PDE4D: variants seen among roughly 807,000 people sequenced by gnomAD.
PDE4D encodes 3',5'-cyclic-AMP phosphodiesterase 4D.
In PDE4D, 24 loss-of-function variants were observed where a neutral mutation model predicts 87.4. That is an observed-to-expected ratio of 0.27 (90% CI 0.20 to 0.39). The LOEUF is 0.39. Ranked by LOEUF, PDE4D falls within the 10% of genes least tolerant of loss-of-function variation. PDE4D has a pLI of 1.00. For missense variants in PDE4D, 714 were observed against 1,041.0 expected, an observed-to-expected ratio of 0.69 and a Z score of 4.32; for synonymous variants, 384 against 383.2, an observed-to-expected ratio of 1.00 and a Z score of -0.02.
At chr5:59,395,111 A>G (rs1789113892) in intron 1 of PDE4D, among the ~76,000 whole-genome samples, 1 of 151,914 alleles carries the variant, frequency 6.6e-6, no homozygotes, top group South Asian at 2.1e-4. Flanking sequence ...TTGCTAGCAC[A>G]GCAGTCTGAG....
intron 1 of PDE4D, among the ~76,000 whole-genome samples, chr5:60,274,509 T>C (rs201022445): frequency 3.3e-5 from 5 of 152,086 alleles, no homozygotes; most frequent in Non-Finnish European, 7.4e-5. Flanking sequence ...TACCGGCATG[T>C]GCCACCACGC....
intron 1 of PDE4D, among the ~76,000 whole-genome samples, chr5:60,299,663 G>A (rs775462010): frequency 8.5e-5 from 13 of 152,110 alleles, no homozygotes; most frequent in Admixed American, 1.3e-4. Context: ...TTGGTTTTCC[G>A]TTCCTGCATT....
At chr5:59,062,699 T>G in intron 5 of PDE4D, among the ~76,000 whole-genome samples, 1 of 118,616 alleles carries the variant, frequency 8.4e-6, no homozygotes, top group East Asian at 3.2e-4. Context: ...AGTGAATGCA[T>G]GTGGTTTTTT....
chr5:59,015,412 T>TA (rs532793310), intron 6 of PDE4D, among the ~76,000 whole-genome samples: 563 of 152,156 alleles, frequency 3.7e-3, no homozygotes, highest in Non-Finnish European at 6.4e-3. Context: ...ACAAAGAACT[T>TA]AAACAAATTT....
At chr5:60,443,068 T>C (rs1745369163) in intron 1 of PDE4D, among the ~76,000 whole-genome samples, 1 of 151,836 alleles carries the variant, frequency 6.6e-6, no homozygotes, top group Non-Finnish European at 1.5e-5. Flanking sequence ...TACGAGCAAA[T>C]AGACAGTTGA....
chr5:59,830,170 T>C (rs1740966959), intron 1 of PDE4D, among the ~76,000 whole-genome samples: 1 of 152,028 alleles, frequency 6.6e-6, no homozygotes, highest in Admixed American at 6.6e-5. Flanking sequence ...AATGACAAGC[T>C]GACAGATAGC....
In PDE4D at chr5:58,973,957, AG is replaced by A. The variant is rs1251984224; in HGVS notation, c.*706del. On this transcript the variant is annotated 3_prime_UTR_variant, in exon 15 of 15. Coordinates refer to ENST00000340635, the MANE Select transcript of PDE4D (RefSeq NM_001104631.2). ...ATTAGATTTTTATCCAGTGTAGCACAGATTTGTACTGAAAACTTGCAAGTTA... is the reference window on the plus strand; with the variant it reads ...ATTAGATTTTTATCCAGTGTAGCACAATTTGTACTGAAAACTTGCAAGTTA... 1 of 152,656 alleles carries A rather than the reference AG, an allele frequency of 6.6e-6. No individual in the cohort carries two copies. The highest frequency in any genetic ancestry group is 1.5e-5 in the Non-Finnish European group (1 of 68,038). The allele number at this position is 152,656 out of a possible 1,614,324, so 9.5% of individuals were successfully genotyped here.
At chr5:59,337,719 C>T (rs1777964847) in intron 1 of PDE4D, among the ~76,000 whole-genome samples, 1 of 152,136 alleles carries the variant, frequency 6.6e-6, no homozygotes, top group African/African-American at 2.4e-5. Context: ...TGATGCCTCT[C>T]CTGGGTGAAC....
chr5:59,612,848 A>G (rs1461831230), intron 1 of PDE4D, among the ~76,000 whole-genome samples: 1 of 152,148 alleles, frequency 6.6e-6, no homozygotes, highest in African/African-American at 2.4e-5. Context: ...TTGCTTGGAT[A>G]GTTGTGGGAA....
At chr5:60,085,815 C>T (rs1774458395) in intron 2 of PDE4D, among the ~76,000 whole-genome samples, 1 of 152,006 alleles carries the variant, frequency 6.6e-6, no homozygotes, top group Non-Finnish European at 1.5e-5. Context: ...CACTTGTAAT[C>T]AAAAGAGGGC....
chr5:59,547,690 T>C (rs539064836), intron 1 of PDE4D, among the ~76,000 whole-genome samples: 69 of 152,336 alleles, frequency 4.5e-4, no homozygotes, highest in Admixed American at 1.2e-3. Flanking sequence ...AATGAGATAC[T>C]CTTCACATAT....
At chr5:60,372,253 G>T (rs1583557971) in intron 1 of PDE4D, among the ~76,000 whole-genome samples, 1 of 150,984 alleles carries the variant, frequency 6.6e-6, no homozygotes, top group Admixed American at 6.6e-5. Context: ...CTTTCTTAAG[G>T]TTTCAACTTT....
At chr5:59,301,308 T>C (rs1770202306) in intron 1 of PDE4D, among the ~76,000 whole-genome samples, 1 of 152,156 alleles carries the variant, frequency 6.6e-6, no homozygotes, top group Non-Finnish European at 1.5e-5. Context: ...GTGGGAGTTA[T>C]GAGCTAGACC....
intron 1 of PDE4D, among the ~76,000 whole-genome samples, chr5:59,477,356 A>G (rs1192910292): frequency 8.2e-6 from 1 of 121,702 alleles, no homozygotes; most frequent in African/African-American, 3.4e-5. Flanking sequence ...AGTATAATAA[A>G]AAAAAAAAAA....
intron 5 of PDE4D, among the ~76,000 whole-genome samples, chr5:59,159,190 G>C (rs1393986810): frequency 1.3e-5 from 2 of 152,096 alleles, no homozygotes; most frequent in Non-Finnish European, 2.9e-5. Context: ...CTGGAGTGCT[G>C]TGATCATAGC....
Position 59,945,730 on chromosome 5 carries a change from A to G in PDE4D, c.272+42758T>C, listed in dbSNP as rs928260026. On this transcript the variant is annotated intron_variant, in intron 3 of 16. Coordinates refer to the PDE4D transcript ENST00000502484. ...TGGTGAGAACCATGTCTCAAAGCCT[A>G]ATGCCAACAAAGTGATGGTGAGGAA... is the stretch of plus-strand genomic sequence containing the variant. 6.6e-5 allele frequency among the ~76,000 whole-genome samples: 10 copies of G among 152,340 alleles called. 1 individual carries two copies. In the East Asian group the frequency reaches 1.9e-3, roughly 29 times the overall value.
At chr5:59,726,794 T>C (rs1254426286) in intron 1 of PDE4D, among the ~76,000 whole-genome samples, 1 of 152,146 alleles carries the variant, frequency 6.6e-6, no homozygotes, top group Non-Finnish European at 1.5e-5. Flanking sequence ...TAGTTCTTCT[T>C]ATTCATAAAC....
At chr5:59,268,412 T>C (rs1341495832) in intron 1 of PDE4D, among the ~76,000 whole-genome samples, 4 of 152,072 alleles carry the variant, frequency 2.6e-5, no homozygotes, top group Non-Finnish European at 5.9e-5. Context: ...GCACGGGCTC[T>C]CATTAGTTAG....
intron 1 of PDE4D, among the ~76,000 whole-genome samples, chr5:59,500,429 A>G (rs1459329692): frequency 6.6e-6 from 1 of 152,236 alleles, no homozygotes; most frequent in Non-Finnish European, 1.5e-5. Flanking sequence ...ACAGCCATAA[A>G]AAGATGAAAT....
Sources: gnomAD v4.1 joint callset for allele counts (sites outside exome capture counted in the v4.1 genomes callset) on GRCh38, gnomAD v4.1.1 for gene constraint, MANE v1.5 for transcripts, NCBI Gene and HGNC (gene_info 2026-07-23, HGNC 2026-07-21) for gene names.